The following JARID2 variants were observed in gnomAD, a reference collection of about 807,000 sequenced individuals.
JARID2 encodes the protein jumonji and AT-rich interaction domain containing 2.
Under a neutral mutation model 125.6 loss-of-function variants are expected in JARID2, and 21 were observed. That is an observed-to-expected ratio of 0.17 (90% CI 0.12 to 0.24). The LOEUF (loss-of-function observed/expected upper bound fraction) is 0.24, where lower values mean the gene tolerates loss of function less well. Among genes scored for constraint, JARID2 ranks in the 10% least tolerant of loss-of-function variants. The pLI, the probability that JARID2 is intolerant of heterozygous loss-of-function variation, is 1.00. For missense variants in JARID2, 1,303 were observed against 1,639.6 expected (o/e 0.79, Z 3.55); for synonymous variants, 736 against 661.6 (o/e 1.11, Z -1.73).
chr6:15,317,144 A>G (rs990332162), intron 1 of JARID2, among the ~76,000 whole-genome samples: 1 of 152,208 alleles, frequency 6.6e-6, no homozygotes, highest in African/African-American at 2.4e-5. Flanking sequence ...TTATCTATTT[A>G]GCAGTAGAAT....
intron 1 of JARID2, among the ~76,000 whole-genome samples, chr6:15,311,736 T>C (rs74649372): frequency 3.5e-5 from 3 of 84,926 alleles, no homozygotes; most frequent in African/African-American, 5.5e-5. Context: ...AAGGTAACTG[T>C]TTTTTTTTTT....
In JARID2 at chr6:15,395,528, G is replaced by A. The variant is rs1279709737; in HGVS notation, c.182-14696G>A. The stretch of plus-strand genomic sequence containing the variant: ...GATCCACCTGCCTCAGCCTCTCAAA[G>A]TGCTGGGATTACAGGTGTGAGCCAC... On this transcript the variant is annotated intron_variant, in intron 2 of 17. Transcript: ENST00000341776. Among the ~76,000 whole-genome samples the A allele has an allele frequency of 2.0e-5, 3 of 152,074 alleles. No individual in the cohort carries two copies. The East Asian group carries it at 5.8e-4, about 29-fold the overall frequency.
At chr6:15,256,489 G>C (rs1371325888) in intron 1 of JARID2, among the ~76,000 whole-genome samples, 2 of 152,190 alleles carry the variant, frequency 1.3e-5, no homozygotes, top group Non-Finnish European at 2.9e-5. Context: ...TGATTATGAT[G>C]TGAACACAAT....
In JARID2 at chr6:15,520,825, C is replaced by T. The variant is rs113233941; in HGVS notation, c.*574C>T. 53 of 455,760 alleles carry T rather than the reference C, an allele frequency of 1.2e-4. No homozygotes were observed. The highest frequency in any genetic ancestry group is 4.7e-4 in the Admixed American group (20 of 42,560). The allele number at this position is 455,760 out of a possible 1,614,324, so 28.2% of individuals were successfully genotyped here. On this transcript the variant is annotated 3_prime_UTR_variant, in exon 18 of 18. Transcript: ENST00000341776. ...TCTGGGCGGTTGTGGCAGCTGAAGGCGGACGTTGTTTCCTAACCATAGGTG... is the reference window on the plus strand; with the variant it reads ...TCTGGGCGGTTGTGGCAGCTGAAGGTGGACGTTGTTTCCTAACCATAGGTG...
At chr6:15,263,545 A>G (rs1235533306) in intron 1 of JARID2, among the ~76,000 whole-genome samples, 1 of 151,236 alleles carries the variant, frequency 6.6e-6, no homozygotes, top group East Asian at 1.9e-4. Context: ...ATTTTCCCCA[A>G]GTTGGTGTGA....
At chr6:15,291,319 A>C (rs1399481896) in intron 1 of JARID2, among the ~76,000 whole-genome samples, 2 of 152,226 alleles carry the variant, frequency 1.3e-5, no homozygotes, top group Non-Finnish European at 2.9e-5. Context: ...CTCTTAGTTT[A>C]AAAATGCTCC....
At chr6:15,415,728 TG>T in intron 3 of JARID2, among the ~76,000 whole-genome samples, 1 of 133,562 alleles carries the variant, frequency 7.5e-6, no homozygotes. Flanking sequence ...ACGGGGCGGC[TG>T]GCCAGGCGGA....
At chr6:15,361,750 A>G (rs1400996501) in intron 1 of JARID2, among the ~76,000 whole-genome samples, 1 of 152,204 alleles carries the variant, frequency 6.6e-6, no homozygotes, top group African/African-American at 2.4e-5. Context: ...CTCATTCTGC[A>G]TAAAGGAAGA....
intron 2 of JARID2, among the ~76,000 whole-genome samples, chr6:15,376,841 C>T (rs1764374515): frequency 1.3e-5 from 2 of 152,298 alleles, no homozygotes; most frequent in African/African-American, 4.8e-5. Flanking sequence ...AGCTCCTCTT[C>T]TGTAGGTGTT....
rs560143812 is a variant in JARID2, at chr6:15,357,596, A to AT, written c.46-16511dup. Among the ~76,000 whole-genome samples, 920 of 150,696 alleles carry AT rather than the reference A, an allele frequency of 6.1e-3. 4 individuals carry two copies. The highest frequency in any genetic ancestry group is 9.7e-3 in the Admixed American group (146 of 15,102). ...CTCTCTAAGCAAATGTTATTTATTG[A>AT]TTTTTTTTTTAATTCGCCAAGTTGA... On this transcript the variant is annotated intron_variant, in intron 1 of 17. Transcript: ENST00000341776.
At chr6:15,313,126 C>CT (rs1561786482) in intron 1 of JARID2, among the ~76,000 whole-genome samples, 2 of 152,118 alleles carry the variant, frequency 1.3e-5, no homozygotes, top group African/African-American at 4.8e-5. Flanking sequence ...GCCGTCGGAG[C>CT]TTTTTTTACA....
chr6:15,339,929 AT>A (rs1173284864), intron 1 of JARID2, among the ~76,000 whole-genome samples: 3 of 152,114 alleles, frequency 2.0e-5, no homozygotes, highest in African/African-American at 7.2e-5. Flanking sequence ...TGCTGTTAGT[AT>A]ATTTCACTTC....
intron 2 of JARID2, among the ~76,000 whole-genome samples, chr6:15,401,309 A>C (rs1765424916): frequency 6.6e-6 from 1 of 152,206 alleles, no homozygotes; most frequent in African/African-American, 2.4e-5. Context: ...TCGCTCTTAA[A>C]GCATTAAGCT....
chr6:15,327,412 G>A (rs939339910), intron 1 of JARID2, among the ~76,000 whole-genome samples: 11 of 152,116 alleles, frequency 7.2e-5, no homozygotes, highest in Admixed American at 1.3e-4. Context: ...TCTGCAGTAT[G>A]TGTAACATTC....
chr6:15,254,697 T>A (rs934879807), intron 1 of JARID2, among the ~76,000 whole-genome samples: 9 of 152,246 alleles, frequency 5.9e-5, no homozygotes, highest in Non-Finnish European at 8.8e-5. Flanking sequence ...CACTGAAATA[T>A]TATCAACAGC....
At chr6:15,247,224 A>G (rs1169746601) in intron 1 of JARID2, among the ~76,000 whole-genome samples, 1 of 152,232 alleles carries the variant, frequency 6.6e-6, no homozygotes, top group Non-Finnish European at 1.5e-5. Flanking sequence ...AAAAGGACAC[A>G]CACTATGGCT....
At chr6:15,487,647 A>T in intron 6 of JARID2, 105 bp downstream of exon 6, 2 of 1,036,232 alleles carry the variant, frequency 1.9e-6, no homozygotes, top group Non-Finnish European at 2.8e-6. Flanking sequence ...GCAGGAGGTG[A>T]TGCCCAGAAG....
rs200990743 is a variant in JARID2 at position 15,513,404 on chromosome 6, C to T, written c.3432C>T (p.His1144=). ...TSERRCQICQ[H]LCYLSMVVQE... ...AGAGGAGGTGTCAGATCTGCCAGCACCTGTGCTACCTGTCCATGGTGAGCC... is the reference window on the plus strand; with the variant it reads ...AGAGGAGGTGTCAGATCTGCCAGCATCTGTGCTACCTGTCCATGGTGAGCC... The change falls in exon 16 of 18, where the codon CAC becomes CAT. Residue 1144 remains histidine, a synonymous_variant. Coordinates refer to ENST00000341776, the MANE Select transcript of JARID2 (RefSeq NM_004973.4). The T allele has an allele frequency of 1.9e-6, 3 of 1,607,546 alleles. No individual in the cohort carries two copies. The African/African-American group carries it at 4.0e-5, about 21-fold the overall frequency.
chr6:15,362,031 G>A (rs1303926575), intron 1 of JARID2, among the ~76,000 whole-genome samples: 1 of 151,658 alleles, frequency 6.6e-6, no homozygotes, highest in Non-Finnish European at 1.5e-5. Context: ...GAGTAGGTGG[G>A]ACTACACATG....
Sources: gnomAD v4.1 joint callset for allele counts (sites outside exome capture counted in the v4.1 genomes callset) on GRCh38, gnomAD v4.1.1 for gene constraint, MANE v1.5 for transcripts, NCBI Gene and HGNC (gene_info 2026-07-23, HGNC 2026-07-21) for gene names.